The following AFF3 variants were observed in gnomAD, a reference collection of about 807,000 sequenced individuals.
AFF3 encodes AF4/FMR2 family member 3.
AFF3 carries 32 observed loss-of-function variants against 129.7 expected under a neutral mutation model. That is an observed-to-expected ratio of 0.25 (90% CI 0.19 to 0.33). The LOEUF is 0.33. Ranked by LOEUF, AFF3 falls within the 10% of genes least tolerant of loss-of-function variation. The pLI, the probability that AFF3 is intolerant of heterozygous loss-of-function variation, is 1.00. For missense variants in AFF3, 1,373 were observed against 1,592.0 expected, an observed-to-expected ratio of 0.86 and a Z score of 2.34; for synonymous variants, 644 against 635.4, an observed-to-expected ratio of 1.01 and a Z score of -0.20.
At chr2:100,053,893 A>C (rs1014931776) in intron 4 of AFF3, among the ~76,000 whole-genome samples, 1 of 152,218 alleles carries the variant, frequency 6.6e-6, no homozygotes, top group Non-Finnish European at 1.5e-5. Context: ...ATCCAAGTAC[A>C]TAAGACAGCG....
intron 7 of AFF3, among the ~76,000 whole-genome samples, chr2:99,979,311 T>C (rs1679182588): frequency 1.3e-5 from 2 of 152,000 alleles, no homozygotes; most frequent in South Asian, 2.1e-4. Flanking sequence ...GCCTGTGAGA[T>C]GGGCTCTTGA....
chr2:99,663,961 C>T (rs1015876563), intron 12 of AFF3, among the ~76,000 whole-genome samples: 1 of 152,212 alleles, frequency 6.6e-6, no homozygotes, highest in Admixed American at 6.5e-5. Flanking sequence ...ACCTCCCAAG[C>T]TTACCCTGAC....
chr2:99,695,624 C>T lies in AFF3; in HGVS notation c.1092-23035G>A, dbSNP rs539526867. Among the ~76,000 whole-genome samples the T allele has an allele frequency of 1.2e-4, 19 of 152,242 alleles. 1 individual carries two copies. The South Asian group carries it at 2.1e-3, about 17-fold the overall frequency. On this transcript the variant is annotated intron_variant, in intron 11 of 24. Coordinates refer to ENST00000672756, the MANE Select transcript of AFF3 (RefSeq NM_001386135.1). ...CCACACAGGACAGACAGGGAGGGGC[C>T]GCCCTTCCCTACTTTGCTGTGTTAT...
chr2:99,993,792 C>CTTTTTTTTTT (rs751882272), intron 7 of AFF3, among the ~76,000 whole-genome samples: 2 of 72,538 alleles, frequency 2.8e-5, no homozygotes, highest in Non-Finnish European at 5.0e-5. Context: ...AACACTTTAT[C>CTTTTTTTTTT]TTTTTTTTTT....
At chr2:99,906,731 T>C (rs1694741579) in intron 7 of AFF3, among the ~76,000 whole-genome samples, 1 of 152,070 alleles carries the variant, frequency 6.6e-6, no homozygotes, top group Admixed American at 6.5e-5. Context: ...TGTTTCTTTC[T>C]ACACTGCTCT....
chr2:99,790,313 A>T (rs1685107924), intron 8 of AFF3, among the ~76,000 whole-genome samples: 1 of 152,234 alleles, frequency 6.6e-6, no homozygotes, highest in South Asian at 2.1e-4. Flanking sequence ...CCACAGCAAG[A>T]CAACTCAAAA....
At chr2:99,626,351 T>C (rs976978412) in intron 13 of AFF3, among the ~76,000 whole-genome samples, 2 of 144,968 alleles carry the variant, frequency 1.4e-5, no homozygotes, top group Non-Finnish European at 3.0e-5. Flanking sequence ...TCTCTTTCCT[T>C]CCTTCCTTCC....
intron 11 of AFF3, among the ~76,000 whole-genome samples, chr2:99,720,095 G>GGCAGTCTTAATTTTGTA (rs1678759484): frequency 6.6e-6 from 1 of 152,106 alleles, no homozygotes; most frequent in Non-Finnish European, 1.5e-5. Context: ...GTAGACCGCA[G>GGCAGTCTTAATTTTGTA]GCAGTCTTAA....
chr2:100,090,701 G>GA (rs574724828), intron 4 of AFF3, among the ~76,000 whole-genome samples: 165 of 152,120 alleles, frequency 1.1e-3, no homozygotes, highest in Middle Eastern at 3.4e-3. Context: ...TTTTGAGAAG[G>GA]AGTCTCGCTG....
chr2:99,656,217 G>A (rs868833849), intron 12 of AFF3, among the ~76,000 whole-genome samples: 3 of 150,238 alleles, frequency 2.0e-5, no homozygotes, highest in Admixed American at 1.3e-4. Flanking sequence ...AATGGATTGA[G>A]GTTTCTGGAT....
intron 7 of AFF3, among the ~76,000 whole-genome samples, chr2:99,970,605 C>T (rs933745944): frequency 6.6e-6 from 1 of 152,224 alleles, no homozygotes; most frequent in African/African-American, 2.4e-5. Flanking sequence ...CCTCTCCAGG[C>T]ATGGGACAGT....
chr2:99,882,125 A>G (rs771442410), intron 7 of AFF3, among the ~76,000 whole-genome samples: 13 of 151,436 alleles, frequency 8.6e-5, no homozygotes, highest in Non-Finnish European at 1.9e-4. Flanking sequence ...ACTGCAACCC[A>G]TAAATCATTC....
chr2:99,919,794 G>T (rs1695730835), intron 7 of AFF3, among the ~76,000 whole-genome samples: 1 of 151,696 alleles, frequency 6.6e-6, no homozygotes, highest in African/African-American at 2.4e-5. Flanking sequence ...TCTCTAAAAA[G>T]CCTAATAAAA....
At position 100,066,309 on chromosome 2, in the gene AFF3, C is replaced by T. The variant is rs183788178; in HGVS notation, c.53+38093G>A. Reference sequence around the variant, plus strand: ...AGCTATAAAATAGTACTGAATCAAACGGAGAGTAGAATACTTTGGAGGAAG... The same window carrying T: ...AGCTATAAAATAGTACTGAATCAAATGGAGAGTAGAATACTTTGGAGGAAG... On this transcript the variant is annotated intron_variant, in intron 4 of 24. Transcript: ENST00000672756. Among the ~76,000 whole-genome samples, 582 of 152,120 alleles carry T rather than the reference C, an allele frequency of 3.8e-3. 12 individuals are homozygous for T. Among genetic ancestry groups the T allele is most frequent in the Non-Finnish European group, 9.0e-4 (61 of 68,002 alleles).
intron 4 of AFF3, among the ~76,000 whole-genome samples, chr2:100,033,647 TAATC>T (rs1425111747): frequency 6.6e-6 from 1 of 152,202 alleles, no homozygotes; most frequent in Non-Finnish European, 1.5e-5. Flanking sequence ...CTTTGAATGA[TAATC>T]AATTCTGATT....
intron 1 of AFF3, among the ~76,000 whole-genome samples, chr2:100,133,806 G>A (rs915784766): frequency 3.9e-5 from 6 of 152,232 alleles, no homozygotes; most frequent in South Asian, 2.1e-4. Flanking sequence ...GGTGGCGGAC[G>A]CCTGTAGTCC....
At chr2:99,659,717 C>T (rs577926491) in intron 12 of AFF3, among the ~76,000 whole-genome samples, 2 of 152,206 alleles carry the variant, frequency 1.3e-5, no homozygotes, top group African/African-American at 4.8e-5. Context: ...GAGCATGAGG[C>T]GATCGTATGC....
chr2:100,011,167 G>A (rs991228126), intron 4 of AFF3, among the ~76,000 whole-genome samples: 5 of 152,244 alleles, frequency 3.3e-5, no homozygotes, highest in Non-Finnish European at 4.4e-5. Flanking sequence ...CCAGCTACTC[G>A]GGAGGCTGAG....
chr2:100,072,971 T>C (rs973332222), intron 4 of AFF3, among the ~76,000 whole-genome samples: 1 of 152,200 alleles, frequency 6.6e-6, no homozygotes, highest in Admixed American at 6.5e-5. Flanking sequence ...GAATGAGACA[T>C]TGTTCACTGC....
Sources: gnomAD v4.1 joint callset for allele counts (sites outside exome capture counted in the v4.1 genomes callset) on GRCh38, gnomAD v4.1.1 for gene constraint, MANE v1.5 for transcripts, NCBI Gene and HGNC (gene_info 2026-07-23, HGNC 2026-07-21) for gene names.